The following MYCBP variants were observed in gnomAD, a reference collection of about 807,000 sequenced individuals.
MYCBP encodes MYC binding protein, also known as C-Myc-binding protein.
In MYCBP, 5 loss-of-function variants were observed where a neutral mutation model predicts 16.8. The observed-to-expected ratio is 0.30, with a 90% CI of 0.16 to 0.63. The LOEUF is 0.63. Among genes scored for constraint, MYCBP ranks in the 20% least tolerant of loss-of-function variants. The pLI is 0.83. For missense variants in MYCBP, 103 were observed against 121.8 expected (o/e 0.85, Z 0.73); for synonymous variants, 35 against 43.7 (o/e 0.80, Z 0.79).
intron 2 of MYCBP, among the ~76,000 whole-genome samples, chr1:38,868,212 C>T (rs1361358641): frequency 6.6e-6 from 1 of 152,016 alleles, no homozygotes; most frequent in East Asian, 1.9e-4. Context: ...ATGTGGTAAT[C>T]CAGTTTAAAA....
chr1:38,865,777 G>A (rs1289396333), intron 4 of MYCBP, among the ~76,000 whole-genome samples: 1 of 152,048 alleles, frequency 6.6e-6, no homozygotes, highest in Non-Finnish European at 1.5e-5. Flanking sequence ...ACACAAGCCT[G>A]GGTAACAGAG....
chr1:38,872,894 C>T, intron 2 of MYCBP, 124 bp downstream of exon 2: 6 of 1,169,268 alleles, frequency 5.1e-6, no homozygotes, highest in Non-Finnish European at 7.2e-6. Context: ...AGGCCCACCT[C>T]GCTGGACCCC....
At position 38,864,599 on chromosome 1, in the gene MYCBP, G is replaced by C. The variant is rs763971404; in HGVS notation, c.*71C>G. The C allele has an allele frequency of 2.7e-6, 4 of 1,473,076 alleles. No individual in the cohort carries two copies. The highest frequency in any genetic ancestry group is 3.8e-6 in the Non-Finnish European group (4 of 1,053,092). 91.3% of individuals were successfully genotyped at this position (1,473,076 alleles called of 1,614,324 possible). A position where few individuals can be genotyped will look rare whatever the true frequency, so the allele number is the denominator to read the frequency against. On this transcript the variant is annotated 3_prime_UTR_variant, in exon 5 of 5. Transcript: ENST00000397572. ...AGTTCTATAGCATCTGTTCAGAAAA[G>C]ATTATATACTATACAAACTATTCAA...
rs755019611 is a variant in MYCBP at position 38,864,615 on chromosome 1, A to C, written c.*55T>G. On this transcript the variant is annotated 3_prime_UTR_variant, in exon 5 of 5. Transcript: ENST00000397572. ...TTCAGAAAAGATTATATACTATACA[A>C]ACTATTCAAGTCATACAAAACCATT... 252 of 1,549,234 alleles carry C rather than the reference A, an allele frequency of 1.6e-4. No individual in the cohort carries two copies. The highest frequency in any genetic ancestry group is 2.1e-4 in the Non-Finnish European group (231 of 1,121,314).
intron 2 of MYCBP, among the ~76,000 whole-genome samples, chr1:38,867,934 G>A (rs920460482): frequency 2.6e-5 from 4 of 152,214 alleles, no homozygotes; most frequent in African/African-American, 9.6e-5. Context: ...ATACCTAGGG[G>A]TTGAGTGTTT....
At chr1:38,869,081 GTTTT>G (rs959925576) in intron 2 of MYCBP, among the ~76,000 whole-genome samples, 5 of 139,012 alleles carry the variant, frequency 3.6e-5, no homozygotes, top group Admixed American at 2.2e-4. Flanking sequence ...AATTCATTTG[GTTTT>G]TTTTTTTTGT....
At chr1:38,872,953 G>A in intron 2 of MYCBP, 65 bp downstream of exon 2, 7 of 1,524,414 alleles carry the variant, frequency 4.6e-6, no homozygotes, top group Non-Finnish European at 6.2e-6. Flanking sequence ...CGGCCCGCTG[G>A]GGAACGGGGC....
Position 38,862,712 on chromosome 1 carries a change from A to G in MYCBP, c.*1958T>C, listed in dbSNP as rs952226617. On this transcript the variant is annotated 3_prime_UTR_variant, in exon 5 of 5. Coordinates refer to ENST00000397572, the MANE Select transcript of MYCBP (RefSeq NM_012333.5). ...CCTCTAGAGGCTAAGCTTATCCTGA[A>G]TTCTTAAATAGCACTGACTGTTACA... Among the ~76,000 whole-genome samples the G allele has an allele frequency of 2.0e-5, 3 of 152,214 alleles. No homozygotes were observed. The highest frequency in any genetic ancestry group is 7.2e-5 in the African/African-American group (3 of 41,454).
At chr1:38,868,687 C>T (rs572883343) in intron 2 of MYCBP, among the ~76,000 whole-genome samples, 40 of 152,198 alleles carry the variant, frequency 2.6e-4, no homozygotes, top group African/African-American at 8.9e-4. Flanking sequence ...GGGCAGATCA[C>T]GAAGTCAGGA....
At chr1:38,866,732 G>C in intron 4 of MYCBP, 148 bp downstream of exon 4, 1 of 698,044 alleles carries the variant, frequency 1.4e-6, no homozygotes. Flanking sequence ...TGGTTTTCTT[G>C]ACAGGGCATA....
chr1:38,864,588 T>G lies in MYCBP; in HGVS notation c.*82A>C. On this transcript the variant is annotated 3_prime_UTR_variant, in exon 5 of 5. Coordinates refer to ENST00000397572, the MANE Select transcript of MYCBP (RefSeq NM_012333.5). ...CATATTAAAAGAGTTCTATAGCATCTGTTCAGAAAAGATTATATACTATAC... is the reference window on the plus strand; with the variant it reads ...CATATTAAAAGAGTTCTATAGCATCGGTTCAGAAAAGATTATATACTATAC... 1 of 1,361,002 alleles carries G rather than the reference T, an allele frequency of 7.3e-7. No individual in the cohort carries two copies. The allele number at this position is 1,361,002 out of a possible 1,614,324, so 84.3% of individuals were successfully genotyped here. A position where few individuals can be genotyped will look rare whatever the true frequency, so the allele number is the denominator to read the frequency against.
In MYCBP at chr1:38,864,642, T is replaced by C. The variant is rs867141748; in HGVS notation, c.*28A>G. ...CTATTCAAGTCATACAAAACCATTTTTCATTGTCTTTCAAACTGAGAAGAA... is the reference window on the plus strand; with the variant it reads ...CTATTCAAGTCATACAAAACCATTTCTCATTGTCTTTCAAACTGAGAAGAA... On this transcript the variant is annotated 3_prime_UTR_variant, in exon 5 of 5. Transcript: ENST00000397572. 4 of 1,612,496 alleles carry C rather than the reference T, an allele frequency of 2.5e-6. No individual in the cohort carries two copies. The highest frequency in any genetic ancestry group is 3.3e-4 in the Middle Eastern group (2 of 6,058).
intron 2 of MYCBP, among the ~76,000 whole-genome samples, chr1:38,872,138 TCTGTCCA>T (rs1642479264): frequency 1.3e-5 from 2 of 152,236 alleles, no homozygotes; most frequent in Admixed American, 1.3e-4. Context: ...AAACTTTGCT[TCTGTCCA>T]AAGGGCAGTT....
At chr1:38,866,065 T>TTTTTTTTTTTTTTTTTA (rs1642329983) in intron 4 of MYCBP, among the ~76,000 whole-genome samples, 1 of 146,102 alleles carries the variant, frequency 6.8e-6, no homozygotes, top group Non-Finnish European at 1.5e-5. Flanking sequence ...TTTTTTTTTT[T>TTTTTTTTTTTTTTTTTA]GAGACAGAGT....
rs754274470 is a variant in MYCBP, at chr1:38,866,886, T to C, written c.261A>G (p.Lys87=). ...EAIVEENKKL[K]AKLAQYEPPQ... is the part of the protein sequence containing the mutation. ...ATTCTTTTTAAAAATTTACCTTTGC[T>C]TTCAGTTTTTTATTTTCTTCTACAA... Residue 87 remains lysine (K), a synonymous_variant, in exon 4 of 5, where the codon AAA becomes AAG. Transcript: ENST00000397572. 15 of 1,543,752 alleles carry C rather than the reference T, an allele frequency of 9.7e-6. No individual in the cohort carries two copies. In the Middle Eastern group the frequency reaches 6.0e-4, roughly 62 times the overall value.
intron 2 of MYCBP, among the ~76,000 whole-genome samples, chr1:38,872,138 T>G (rs1642479211): frequency 6.6e-6 from 1 of 152,236 alleles, no homozygotes; most frequent in African/African-American, 2.4e-5. Context: ...AAACTTTGCT[T>G]CTGTCCAAAG....
intron 1 of MYCBP, 90 bp downstream of exon 1, chr1:38,873,201 A>G (rs1399583018): frequency 3.9e-6 from 6 of 1,554,490 alleles, no homozygotes. Context: ...CCTCCCGCCC[A>G]AACCTGCGCG....
At chr1:38,866,783 C>T (rs1642350699) in intron 4 of MYCBP, 97 bp downstream of exon 4, 25 of 1,006,924 alleles carry the variant, frequency 2.5e-5, no homozygotes, top group Non-Finnish European at 3.6e-5. Context: ...TTGATATTCA[C>T]CCACCTCCCT....
chr1:38,868,171 GA>G (rs2124256656), intron 2 of MYCBP, among the ~76,000 whole-genome samples: 1 of 152,286 alleles, frequency 6.6e-6, no homozygotes, highest in Non-Finnish European at 1.5e-5. Context: ...GTGGGACAAG[GA>G]TAAAGACAGG....
Sources: gnomAD v4.1 joint callset for allele counts (sites outside exome capture counted in the v4.1 genomes callset) on GRCh38, gnomAD v4.1.1 for gene constraint, MANE v1.5 for transcripts, NCBI Gene and HGNC (gene_info 2026-07-23, HGNC 2026-07-21) for gene names.